Variants in FRYL observed in about 807,000 individuals in gnomAD.
FRYL encodes protein furry homolog-like.
FRYL carries 150 observed loss-of-function variants against 351.2 expected under a neutral mutation model. That is an observed-to-expected ratio of 0.43 (90% CI 0.37 to 0.49). The LOEUF (loss-of-function observed/expected upper bound fraction) is 0.49, where lower values mean the gene tolerates loss of function less well. FRYL is among the 20% of genes least tolerant of loss of function. FRYL has a pLI of 0.00. For synonymous variants in FRYL, 1,153 were observed against 1,257.1 expected, an observed-to-expected ratio of 0.92 and a Z score of 1.75; for missense variants, 3,036 against 3,619.3, an observed-to-expected ratio of 0.84 and a Z score of 4.13.
At chr4:48,672,580 G>A (rs915194783) in intron 3 of FRYL, among the ~76,000 whole-genome samples, 1 of 152,222 alleles carries the variant, frequency 6.6e-6, no homozygotes, top group African/African-American at 2.4e-5. Flanking sequence ...TAGTAAGTAT[G>A]AGGTTCTATC....
chr4:48,504,589 T>C (rs1179322697), intron 60 of FRYL, among the ~76,000 whole-genome samples: 1 of 152,144 alleles, frequency 6.6e-6, no homozygotes, highest in Non-Finnish European at 1.5e-5. Flanking sequence ...AGTTTCTTTT[T>C]AACATTAGTG....
intron 4 of FRYL, among the ~76,000 whole-genome samples, chr4:48,629,631 T>C (rs1247889417): frequency 6.6e-6 from 1 of 152,200 alleles, no homozygotes; most frequent in African/African-American, 2.4e-5. Context: ...CAGACAGATT[T>C]AGGACAGGAA....
chr4:48,638,074 C>G (rs1754599562), intron 3 of FRYL: 1 of 151,960 alleles, frequency 6.6e-6, no homozygotes, highest in Admixed American at 6.6e-5. Flanking sequence ...TAGATGTGGT[C>G]TAAAATAACC....
chr4:48,586,521 T>A, intron 19 of FRYL, 100 bp downstream of exon 19: 1 of 763,294 alleles, frequency 1.3e-6, no homozygotes, highest in Non-Finnish European at 2.2e-6. Flanking sequence ...AGAAATGTCT[T>A]TAACATCGCC....
chr4:48,634,155 T>G (rs1753787786), intron 4 of FRYL, 136 bp downstream of exon 4: 1 of 653,424 alleles, frequency 1.5e-6, no homozygotes, highest in African/African-American at 1.8e-5. Context: ...GATTCTAAAG[T>G]CAGTGCAGCT....
At chr4:48,596,131 C>A in intron 13 of FRYL, 131 bp from the exon 14 acceptor site, 2 of 626,192 alleles carry the variant, frequency 3.2e-6, no homozygotes, top group South Asian at 4.3e-5. Context: ...ATACCAGGTA[C>A]ATATTTGGTA....
intron 2 of FRYL, among the ~76,000 whole-genome samples, chr4:48,691,230 A>C: frequency 6.6e-6 from 1 of 152,178 alleles, no homozygotes; most frequent in Middle Eastern, 3.4e-3. Context: ...CTAAGAGCTT[A>C]TTCTAGAAAG....
At chr4:48,545,068 G>A (rs530643734) in intron 42 of FRYL, among the ~76,000 whole-genome samples, 164 bp from the exon 43 acceptor site, 11 of 152,188 alleles carry the variant, frequency 7.2e-5, no homozygotes, top group Admixed American at 1.3e-4. Flanking sequence ...ATGATCTACA[G>A]CAAGGAGAGA....
At chr4:48,770,015 T>C (rs972321815) in intron 1 of FRYL, among the ~76,000 whole-genome samples, 1 of 152,200 alleles carries the variant, frequency 6.6e-6, no homozygotes, top group Non-Finnish European at 1.5e-5. Context: ...CAAATCTACC[T>C]GTACATACAC....
intron 3 of FRYL, among the ~76,000 whole-genome samples, chr4:48,671,858 CAAAAAAAAA>C (rs1226492542): frequency 8.9e-5 from 2 of 22,400 alleles, no homozygotes; most frequent in South Asian, 2.4e-3. Flanking sequence ...GTCTCAAAAA[CAAAAAAAAA>C]AAAAACAAAA....
intron 13 of FRYL, chr4:48,598,756 G>C (rs11933919): frequency 0.52 from 353,793 of 681,744 alleles, 92,867 homozygotes; most frequent in African/African-American, 0.68. Flanking sequence ...GCAACAATGG[G>C]AAAAGGAAAA....
At position 48,523,022 on chromosome 4, in the gene FRYL, T is replaced by G; in HGVS notation, c.7400A>C (p.Gln2467Pro). 1.9e-6 allele frequency: 3 copies of G among 1,613,824 alleles called. No homozygotes were observed. The highest frequency in any genetic ancestry group is 2.5e-6 in the Non-Finnish European group (3 of 1,179,744). ...GGTGCTACTAGAGCACTGGTACTCC[T>G]GGAGGGATGGAGTGTCCCCTTTGTC... ...SIDKGDTPSL[Q>P]EYQCSSSTPS... Residue 2467 changes from glutamine (Q) to proline (P), a missense_variant, in exon 54 of 64, where the codon CAG becomes CCG. Physicochemically the swap from Gln to Pro is moderately conservative, Grantham distance 76 (BLOSUM62 -1). Coordinates refer to ENST00000358350, the MANE Select transcript of FRYL (RefSeq NM_015030.2).
chr4:48,641,644 C>T (rs1362711412), intron 3 of FRYL, among the ~76,000 whole-genome samples: 1 of 152,110 alleles, frequency 6.6e-6, no homozygotes, highest in African/African-American at 2.4e-5. Flanking sequence ...CAAATGAAAG[C>T]TACTGTCATG....
chr4:48,573,618 C>T (rs1196691263), intron 25 of FRYL, among the ~76,000 whole-genome samples: 2 of 152,100 alleles, frequency 1.3e-5, no homozygotes, highest in Non-Finnish European at 2.9e-5. Flanking sequence ...GGCGTGATCT[C>T]GGCTCACTGC....
intron 3 of FRYL, among the ~76,000 whole-genome samples, chr4:48,680,036 A>G (rs1187308518): frequency 6.6e-6 from 1 of 152,092 alleles, no homozygotes; most frequent in Non-Finnish European, 1.5e-5. Context: ...ATGATGTACT[A>G]AATGAAAAAG....
chr4:48,548,605 C>A, intron 40 of FRYL, 85 bp downstream of exon 40: 2 of 740,392 alleles, frequency 2.7e-6, no homozygotes, highest in Admixed American at 2.3e-5. Context: ...GAAACAGAAA[C>A]ACATAAAAAC....
At chr4:48,777,999 T>C (rs1218855504) in intron 1 of FRYL, among the ~76,000 whole-genome samples, 1 of 152,038 alleles carries the variant, frequency 6.6e-6, no homozygotes, top group Non-Finnish European at 1.5e-5. Context: ...CAGCCGTCTA[T>C]ACGAAAAATT....
At chr4:48,599,781 T>C (rs1408956018) in intron 13 of FRYL, among the ~76,000 whole-genome samples, 1 of 152,030 alleles carries the variant, frequency 6.6e-6, no homozygotes, top group Non-Finnish European at 1.5e-5. Context: ...GGATGTAGCA[T>C]CCAATAAAAA....
At chr4:48,644,131 A>G (rs1560776540) in intron 3 of FRYL, among the ~76,000 whole-genome samples, 1 of 152,040 alleles carries the variant, frequency 6.6e-6, no homozygotes, top group Non-Finnish European at 1.5e-5. Flanking sequence ...TAGTAGAGAT[A>G]GGGTTTCCCC....
Sources: gnomAD v4.1 joint callset for allele counts (sites outside exome capture counted in the v4.1 genomes callset) on GRCh38, gnomAD v4.1.1 for gene constraint, MANE v1.5 for transcripts, NCBI Gene and HGNC (gene_info 2026-07-23, HGNC 2026-07-21) for gene names.